Variants in CTNNA2 observed in about 807,000 individuals in gnomAD.
The protein encoded by CTNNA2 is catenin alpha 2, also known as catenin alpha-2.
In CTNNA2, 42 loss-of-function variants were observed where a neutral mutation model predicts 101.0. The ratio of observed to expected loss-of-function variants is 0.42; its 90% CI spans 0.32 to 0.54. The LOEUF is 0.54. CTNNA2 is among the 20% of genes least tolerant of loss of function. The probability of loss-of-function intolerance (pLI) is 0.14; values close to 1 mark genes in which losing one functional copy is unlikely to be tolerated. For synonymous variants in CTNNA2, 450 were observed against 456.4 expected (o/e 0.99, Z 0.18); for missense variants, 871 against 1,223.1 (o/e 0.71, Z 4.29).
intron 7 of CTNNA2, among the ~76,000 whole-genome samples, chr2:80,371,112 A>T (rs927379425): frequency 1.3e-5 from 2 of 152,176 alleles, no homozygotes; most frequent in Non-Finnish European, 2.9e-5. Context: ...GTACTTCTCA[A>T]ATGAGGGTCA....
At chr2:79,275,290 A>G (rs1252631546) in intron 2 of CTNNA2, among the ~76,000 whole-genome samples, 2 of 152,044 alleles carry the variant, frequency 1.3e-5, no homozygotes, top group Non-Finnish European at 2.9e-5. Flanking sequence ...AGGGGCACTA[A>G]GACCCCGGAA....
intron 9 of CTNNA2, among the ~76,000 whole-genome samples, chr2:80,446,550 T>G (rs1683086169): frequency 6.6e-6 from 1 of 152,186 alleles, no homozygotes; most frequent in Admixed American, 6.5e-5. Context: ...ACTTAAGCAT[T>G]CTCTTTAGCT....
At chr2:79,791,852 G>A (rs1475600173) in intron 3 of CTNNA2, among the ~76,000 whole-genome samples, 2 of 152,060 alleles carry the variant, frequency 1.3e-5, no homozygotes, top group African/African-American at 4.8e-5. Context: ...TGTGTAATTT[G>A]GACAATGAGC....
chr2:79,237,092 C>A (rs556463950), intron 2 of CTNNA2, among the ~76,000 whole-genome samples: 30 of 152,318 alleles, frequency 2.0e-4, no homozygotes, highest in African/African-American at 6.3e-4. Flanking sequence ...CTATCTATGG[C>A]AGCTACAGCC....
chr2:79,606,839 T>C (rs1033020360), intron 1 of CTNNA2, among the ~76,000 whole-genome samples: 1 of 152,122 alleles, frequency 6.6e-6, no homozygotes, highest in Non-Finnish European at 1.5e-5. Context: ...ATTTAAAAAG[T>C]ATTTAATTCA....
intron 2 of CTNNA2, among the ~76,000 whole-genome samples, chr2:79,692,764 A>T (rs553615656): frequency 6.6e-6 from 1 of 151,774 alleles, no homozygotes; most frequent in South Asian, 2.1e-4. Context: ...TCAGCAAACT[A>T]TCACAGGAAC....
At chr2:80,145,450 T>C (rs1433468962) in intron 7 of CTNNA2, among the ~76,000 whole-genome samples, 3 of 151,974 alleles carry the variant, frequency 2.0e-5, no homozygotes, top group Non-Finnish European at 4.4e-5. Context: ...CTGTTGGGGG[T>C]TTTAAAAGCT....
intron 7 of CTNNA2, among the ~76,000 whole-genome samples, chr2:80,100,194 A>C (rs919354310): frequency 5.9e-5 from 9 of 152,126 alleles, no homozygotes; most frequent in African/African-American, 2.2e-4. Flanking sequence ...TTAGCCTCCC[A>C]AAGTGCTGGG....
At chr2:80,063,173 ATCT>A (rs1386183636) in intron 7 of CTNNA2, among the ~76,000 whole-genome samples, 1 of 152,060 alleles carries the variant, frequency 6.6e-6, no homozygotes. Flanking sequence ...TGCCTGTGAA[ATCT>A]TCTCCTCTTC....
chr2:80,199,677 A>G (rs1456403035), intron 7 of CTNNA2, among the ~76,000 whole-genome samples: 1 of 152,226 alleles, frequency 6.6e-6, no homozygotes, highest in Non-Finnish European at 1.5e-5. Context: ...GACCAATCTT[A>G]GGTATCATGG....
At chr2:79,302,837 A>G (rs991963805) in intron 2 of CTNNA2, among the ~76,000 whole-genome samples, 3 of 152,216 alleles carry the variant, frequency 2.0e-5, no homozygotes, top group Non-Finnish European at 4.4e-5. Context: ...CTCTAATTAC[A>G]TGTCAGGACC....
chr2:80,112,654 T>C (rs1421587707), intron 7 of CTNNA2, among the ~76,000 whole-genome samples: 1 of 152,200 alleles, frequency 6.6e-6, no homozygotes, highest in East Asian at 1.9e-4. Flanking sequence ...GTCAAGTTTC[T>C]CTCTGTTAGA....
rs76294847 is a variant in CTNNA2, at chr2:80,530,658, G to A, written c.1291-14324G>A. Among the ~76,000 whole-genome samples, 51 of 152,326 alleles carry A rather than the reference G, an allele frequency of 3.3e-4. 2 individuals are homozygous for A. The East Asian group carries it at 7.8e-3, about 23-fold the overall frequency. On this transcript the variant is annotated intron_variant, in intron 9 of 18. Transcript: ENST00000402739. Reference sequence around the variant, plus strand: ...GCAGAACTGGGATGAGCCTGACCACGTGGGAGGAGGATTTGAGAGTATCAG... The same window carrying A: ...GCAGAACTGGGATGAGCCTGACCACATGGGAGGAGGATTTGAGAGTATCAG...
At chr2:79,517,524 G>C (rs1386408870) in intron 1 of CTNNA2, among the ~76,000 whole-genome samples, 1 of 152,072 alleles carries the variant, frequency 6.6e-6, no homozygotes, top group East Asian at 1.9e-4. Flanking sequence ...ACCATAGACT[G>C]TAGTAGTTTT....
chr2:80,053,725 C>G (rs958728290), intron 7 of CTNNA2, among the ~76,000 whole-genome samples: 13 of 152,158 alleles, frequency 8.5e-5, no homozygotes, highest in African/African-American at 3.1e-4. Context: ...GAATGCTGGT[C>G]CACTGAACAC....
chr2:79,821,504 G>A (rs1010416653), intron 3 of CTNNA2, among the ~76,000 whole-genome samples: 12 of 152,078 alleles, frequency 7.9e-5, no homozygotes, highest in African/African-American at 1.7e-4. Context: ...CTACAGCATC[G>A]GCCTAATTGT....
chr2:79,791,649 G>T (rs1168505712), intron 3 of CTNNA2, among the ~76,000 whole-genome samples: 1 of 152,128 alleles, frequency 6.6e-6, no homozygotes, highest in African/African-American at 2.4e-5. Context: ...TTACTTTTGA[G>T]CTTAGAGGAA....
chr2:80,184,173 T>C (rs57864346), intron 7 of CTNNA2, among the ~76,000 whole-genome samples: 30,567 of 152,040 alleles, frequency 0.2, 4,370 homozygotes, highest in African/African-American at 0.4. Flanking sequence ...AAGAAAAGTG[T>C]GAGTTCTTCA....
intron 2 of CTNNA2, among the ~76,000 whole-genome samples, chr2:79,225,220 G>T (rs1019189836): frequency 6.6e-6 from 1 of 152,032 alleles, no homozygotes; most frequent in African/African-American, 2.4e-5. Flanking sequence ...TGAAACAGGG[G>T]CATCATTTTA....
Sources: gnomAD v4.1 joint callset for allele counts (sites outside exome capture counted in the v4.1 genomes callset) on GRCh38, gnomAD v4.1.1 for gene constraint, MANE v1.5 for transcripts, NCBI Gene and HGNC (gene_info 2026-07-23, HGNC 2026-07-21) for gene names.